KAT6B: variants seen among roughly 807,000 people sequenced by gnomAD.
KAT6B encodes the protein lysine acetyltransferase 6B.
KAT6B carries 10 observed loss-of-function variants against 187.5 expected under a neutral mutation model. The ratio of observed to expected loss-of-function variants is 0.05; its 90% CI spans 0.03 to 0.09. The LOEUF is 0.09. Among genes scored for constraint, KAT6B ranks in the 10% least tolerant of loss-of-function variants. The pLI, the probability that KAT6B is intolerant of heterozygous loss-of-function variation, is 1.00. For missense variants in KAT6B, 1,952 were observed against 2,558.9 expected, an observed-to-expected ratio of 0.76 and a Z score of 5.12; for synonymous variants, 861 against 926.8, an observed-to-expected ratio of 0.93 and a Z score of 1.29.
At chr10:74,869,483 G>A (rs188952180) in intron 3 of KAT6B, among the ~76,000 whole-genome samples, 55 of 152,058 alleles carry the variant, frequency 3.6e-4, no homozygotes, top group Admixed American at 3.1e-3. Context: ...ACAGGGTTTC[G>A]CCATGTTGGC....
intron 3 of KAT6B, among the ~76,000 whole-genome samples, chr10:74,867,094 A>G (rs571766375): frequency 6.6e-5 from 10 of 152,296 alleles, no homozygotes; most frequent in Non-Finnish European, 1.2e-4. Context: ...CTCGATAACT[A>G]GAGCTAGCTG....
intron 13 of KAT6B, among the ~76,000 whole-genome samples, chr10:74,992,146 G>T (rs1843158028): frequency 6.6e-6 from 1 of 152,164 alleles, no homozygotes; most frequent in African/African-American, 2.4e-5. Flanking sequence ...GGTCAGGGAT[G>T]TATTTTCAGT....
chr10:74,829,194 A>T (rs1840540141), intron 1 of KAT6B, among the ~76,000 whole-genome samples: 1 of 152,212 alleles, frequency 6.6e-6, no homozygotes, highest in Admixed American at 6.5e-5. Context: ...TTTATTTCAC[A>T]CACTGCTTTT....
At chr10:74,911,014 A>C (rs1847165216) in intron 3 of KAT6B, among the ~76,000 whole-genome samples, 2 of 152,066 alleles carry the variant, frequency 1.3e-5, no homozygotes, top group South Asian at 4.1e-4. Flanking sequence ...TTTGAGATTG[A>C]GTATTTTGTG....
chr10:75,006,119 A>G (rs917885167), intron 13 of KAT6B, among the ~76,000 whole-genome samples: 2 of 152,212 alleles, frequency 1.3e-5, no homozygotes, highest in Non-Finnish European at 2.9e-5. Context: ...AACAAAACAA[A>G]AGTCCTCCTT....
Position 75,020,828 on chromosome 10 carries a change from C to G in KAT6B, c.2861+15C>G. On this transcript the variant is annotated intron_variant, in intron 14 of 17. Coordinates refer to ENST00000287239, the MANE Select transcript of KAT6B (RefSeq NM_012330.4). ...AGAGATGGCAGGTGAGTCCTGGGACCCTGGGCAGCTCCGTGGCTCAGGCAT... is the reference window on the plus strand; with the variant it reads ...AGAGATGGCAGGTGAGTCCTGGGACGCTGGGCAGCTCCGTGGCTCAGGCAT... The G allele has an allele frequency of 6.2e-7, 1 of 1,609,448 alleles. No individual in the cohort carries two copies.
chr10:75,014,226 G>A (rs1844819298), intron 13 of KAT6B, among the ~76,000 whole-genome samples: 1 of 152,128 alleles, frequency 6.6e-6, no homozygotes, highest in Non-Finnish European at 1.5e-5. Flanking sequence ...TGTAATCCCA[G>A]CACTTTGGGA....
chr10:74,960,324 C>T (rs1226200174), intron 4 of KAT6B, among the ~76,000 whole-genome samples: 1 of 151,682 alleles, frequency 6.6e-6, no homozygotes, highest in African/African-American at 2.4e-5. Context: ...TATTTTATAC[C>T]AGCATTGGTA....
At chr10:74,949,148 TATC>T (rs1314539406) in intron 3 of KAT6B, among the ~76,000 whole-genome samples, 1 of 152,240 alleles carries the variant, frequency 6.6e-6, no homozygotes, top group South Asian at 2.1e-4. Flanking sequence ...ATATTGCTAA[TATC>T]ATGATATGCT....
chr10:74,968,998 T>C (rs1841675429), intron 4 of KAT6B, among the ~76,000 whole-genome samples: 1 of 152,164 alleles, frequency 6.6e-6, no homozygotes, highest in South Asian at 2.1e-4. Context: ...CACTTCTTGG[T>C]GGGTCCTGTT....
At chr10:74,934,353 T>G (rs1320618892) in intron 3 of KAT6B, among the ~76,000 whole-genome samples, 1 of 152,188 alleles carries the variant, frequency 6.6e-6, no homozygotes. Flanking sequence ...ACTTTTTTTC[T>G]CTCAACATAC....
chr10:74,857,150 C>G (rs1842877087), intron 3 of KAT6B, among the ~76,000 whole-genome samples: 1 of 152,184 alleles, frequency 6.6e-6, no homozygotes. Flanking sequence ...TATTAGTTTT[C>G]TATTGCTGCT....
Position 74,842,965 on chromosome 10 carries a change from C to A in KAT6B, c.108C>A (p.Val36=). 2 of 1,614,158 alleles carry A rather than the reference C, an allele frequency of 1.2e-6. No individual in the cohort carries two copies. The highest frequency in any genetic ancestry group is 2.2e-5 in the South Asian group (2 of 91,060). ...CTGAAGAGAGAATCTGCCATGCGGT[C>A]AGTACTTCCCATGGGTTGGATAAGA... ...RPSEERICHA[V]STSHGLDKKT... The change falls in exon 3 of 18, where the codon GTC becomes GTA. Residue 36 remains valine (V), a synonymous_variant. Coordinates refer to ENST00000287239, the MANE Select transcript of KAT6B (RefSeq NM_012330.4).
At chr10:74,998,716 C>A (rs183712806) in intron 13 of KAT6B, among the ~76,000 whole-genome samples, 3 of 152,242 alleles carry the variant, frequency 2.0e-5, no homozygotes, top group Non-Finnish European at 4.4e-5. Flanking sequence ...CCCAGGAGTT[C>A]GAGGCCAGCC....
chr10:74,898,557 T>C lies in KAT6B; in HGVS notation c.621+55079T>C, dbSNP rs530153888. Among the ~76,000 whole-genome samples, 3 of 152,232 alleles carry C rather than the reference T, an allele frequency of 2.0e-5. No individual in the cohort carries two copies. In the South Asian group the frequency reaches 6.2e-4, roughly 32 times the overall value. On this transcript the variant is annotated intron_variant, in intron 3 of 17. Transcript: ENST00000287239. ...CCTCAAATTCCTATTCACTGCCCTC[T>C]TATATAGTGGATAATGTGGGCGTTA...
chr10:75,031,299 G>T lies in KAT6B; in HGVS notation c.*253G>T. 1 of 499,374 alleles carries T rather than the reference G, an allele frequency of 2.0e-6. No individual in the cohort carries two copies. The allele number at this position is 499,374 out of a possible 1,614,324, so 30.9% of individuals were successfully genotyped here. A position where few individuals can be genotyped will look rare whatever the true frequency, so the allele number is the denominator to read the frequency against. Reference sequence around the variant, plus strand: ...TTATATAAAATTCTCTGCAAAGGAAGGCCTCTCTTTGGACTACAATTTGGA... The same window carrying T: ...TTATATAAAATTCTCTGCAAAGGAATGCCTCTCTTTGGACTACAATTTGGA... On this transcript the variant is annotated 3_prime_UTR_variant, in exon 18 of 18. Coordinates refer to ENST00000287239, the MANE Select transcript of KAT6B (RefSeq NM_012330.4).
At chr10:74,858,752 C>T (rs1272602568) in intron 3 of KAT6B, among the ~76,000 whole-genome samples, 1 of 151,950 alleles carries the variant, frequency 6.6e-6, no homozygotes, top group Non-Finnish European at 1.5e-5. Context: ...GTCCAGAGTT[C>T]GAGACCAGCC....
chr10:74,965,682 C>T (rs917618774), intron 4 of KAT6B, among the ~76,000 whole-genome samples: 4 of 151,680 alleles, frequency 2.6e-5, no homozygotes, highest in Non-Finnish European at 5.9e-5. Flanking sequence ...ATCGGGGTAT[C>T]AGCAGGGCTG....
intron 3 of KAT6B, among the ~76,000 whole-genome samples, chr10:74,918,901 C>T (rs1847907352): frequency 6.6e-6 from 1 of 152,074 alleles, no homozygotes; most frequent in East Asian, 1.9e-4. Context: ...AGGTAATTGT[C>T]TTTTCCCTGG....
Sources: allele counts gnomAD v4.1 joint callset (sites outside exome capture counted in the v4.1 genomes callset), GRCh38; gene constraint gnomAD v4.1.1; transcripts MANE v1.5; gene names NCBI Gene and HGNC (gene_info 2026-07-23, HGNC 2026-07-21).